The following FGF9 variants were observed in gnomAD, a reference collection of about 807,000 sequenced individuals.
The protein encoded by FGF9 is fibroblast growth factor 9 (glia-activating factor).
In FGF9, 3 loss-of-function variants were observed where a neutral mutation model predicts 19.9. The ratio of observed to expected loss-of-function variants is 0.15; its 90% CI spans 0.07 to 0.39. The LOEUF (loss-of-function observed/expected upper bound fraction) is 0.39. FGF9 is among the 10% of genes least tolerant of loss of function. The pLI, the probability that FGF9 is intolerant of heterozygous loss-of-function variation, is 1.00. For missense variants in FGF9, 175 were observed against 256.8 expected, an observed-to-expected ratio of 0.68 and a Z score of 2.18; for synonymous variants, 107 against 106.9, an observed-to-expected ratio of 1.00 and a Z score of -0.01.
In FGF9 at chr13:21,672,294, C is replaced by T; in HGVS notation, c.277+105C>T. On this transcript the variant is annotated intron_variant, in intron 1 of 2. Coordinates refer to ENST00000382353, the MANE Select transcript of FGF9 (RefSeq NM_002010.3). This position sits in a 1 kb window ranked among gnomAD's most constrained non-coding sequence, Gnocchi z 4.2. ...GGGGACGTGGGAAGGGTTCTCCCCT[C>T]CTCCCCTCTTTCTCTGTATCTCTGT... 3 of 1,227,236 alleles carry T rather than the reference C, an allele frequency of 2.4e-6. 1 individual carries two copies. Among genetic ancestry groups the T allele is most frequent in the Non-Finnish European group, 3.6e-6 (3 of 836,356 alleles). 76.0% of individuals were successfully genotyped at this position (1,227,236 alleles called of 1,614,324 possible). A position where few individuals can be genotyped will look rare whatever the true frequency, so the allele number is the denominator to read the frequency against.
rs1434868235 is a variant in FGF9 at position 21,701,348 on chromosome 13, G to A, written c.540G>A (p.Arg180=). Residue 180 remains arginine, a synonymous_variant, in exon 3 of 3, where the codon CGG becomes CGA. Coordinates refer to ENST00000382353, the MANE Select transcript of FGF9 (RefSeq NM_002010.3). ...GTPREGTRTK[R]HQKFTHFLPR... ...CGAGAGAAGGGACTAGGACTAAACG[G>A]CACCAGAAATTCACACATTTTTTAC... 3 of 1,613,806 alleles carry A rather than the reference G, an allele frequency of 1.9e-6. No homozygotes were observed.
chr13:21,698,296 T>G (rs188672239), intron 2 of FGF9, among the ~76,000 whole-genome samples: 3 of 152,214 alleles, frequency 2.0e-5, no homozygotes, highest in Non-Finnish European at 4.4e-5. Context: ...CTGTCCCATG[T>G]ATTTTAACTG....
intron 2 of FGF9, among the ~76,000 whole-genome samples, chr13:21,683,092 T>C (rs1336528185): frequency 6.6e-6 from 1 of 152,198 alleles, no homozygotes; most frequent in Non-Finnish European, 1.5e-5. Flanking sequence ...AAGGATCACC[T>C]TGCACACCCC....
chr13:21,676,087 C>T (rs1158973535), intron 1 of FGF9, among the ~76,000 whole-genome samples: 1 of 152,184 alleles, frequency 6.6e-6, no homozygotes, highest in Non-Finnish European at 1.5e-5. Context: ...TTTTAAAGCA[C>T]TCCAGCCTTG....
At chr13:21,677,844 A>G (rs1292556275) in intron 1 of FGF9, among the ~76,000 whole-genome samples, 1 of 152,156 alleles carries the variant, frequency 6.6e-6, no homozygotes, top group Non-Finnish European at 1.5e-5. Flanking sequence ...TGGGGTCTGT[A>G]GGTAGTTCCT....
intron 2 of FGF9, among the ~76,000 whole-genome samples, chr13:21,696,812 T>C (rs1193094074): frequency 6.6e-6 from 1 of 152,248 alleles, no homozygotes; most frequent in African/African-American, 2.4e-5. Context: ...AAAGAGATTA[T>C]TTCTGTAGAT....
chr13:21,701,807 A>T lies in FGF9; in HGVS notation c.*372A>T, dbSNP rs546782. 0.16 allele frequency: 44,164 copies of T among 275,282 alleles called. 5,109 individuals are homozygous for T. Among genetic ancestry groups the T allele is most frequent in the African/African-American group, 0.38 (17,249 of 45,268 alleles). 17.1% of individuals were successfully genotyped at this position (275,282 alleles called of 1,614,324 possible). A position where few individuals can be genotyped will look rare whatever the true frequency, so the allele number is the denominator to read the frequency against. ...ACTGCGGCCTGATGCATGCTGGAAA[A>T]AGACACGCTTTTCATTTCTGATCAG... On this transcript the variant is annotated 3_prime_UTR_variant, in exon 3 of 3. Transcript: ENST00000382353.
intron 2 of FGF9, among the ~76,000 whole-genome samples, chr13:21,685,029 G>A (rs1872127233): frequency 6.6e-6 from 1 of 152,166 alleles, no homozygotes. Flanking sequence ...TGCCTCGTGT[G>A]GCAGTGAGAA....
In FGF9 at chr13:21,671,839, T is replaced by C. The variant is rs900849065; in HGVS notation, c.-74T>C. On this transcript the variant is annotated 5_prime_UTR_variant, in exon 1 of 3. Coordinates refer to ENST00000382353, the MANE Select transcript of FGF9 (RefSeq NM_002010.3). Reference sequence around the variant, plus strand: ...TGCAGTAAGGGAGGGGAGTTGGATATACCTCGCCTAATATCTCCTGGGTTG... The same window carrying C: ...TGCAGTAAGGGAGGGGAGTTGGATACACCTCGCCTAATATCTCCTGGGTTG... 7.5e-5 allele frequency: 118 copies of C among 1,566,376 alleles called. No homozygotes were observed. Among genetic ancestry groups the C allele is most frequent in the Non-Finnish European group, 9.9e-5 (113 of 1,136,726 alleles).
intron 2 of FGF9, among the ~76,000 whole-genome samples, chr13:21,700,015 GGTGTGTGTGTGTGTGT>G (rs3076108): frequency 2.0e-5 from 3 of 146,710 alleles, no homozygotes; most frequent in South Asian, 4.4e-4. Context: ...TTTGGGATGT[GGTGTGTGTGTGTGTGT>G]GTGTGTGTGT....
At position 21,703,822 on chromosome 13, in the gene FGF9, T is replaced by C. The variant is rs1872597540; in HGVS notation, c.*2387T>C. ...AAGAAAATTGTGAAAAAGACAAAAA[T>C]CTTCATGCATTCCTATAAAACGCTA... On this transcript the variant is annotated 3_prime_UTR_variant, in exon 3 of 3. Coordinates refer to ENST00000382353, the MANE Select transcript of FGF9 (RefSeq NM_002010.3). 6.6e-6 allele frequency: 1 copy of C among 151,840 alleles called. No individual in the cohort carries two copies. Among genetic ancestry groups the C allele is most frequent in the African/African-American group, 2.4e-5 (1 of 41,384 alleles). The allele number at this position is 151,840 out of a possible 1,614,324, so 9.4% of individuals were successfully genotyped here.
intron 2 of FGF9, among the ~76,000 whole-genome samples, chr13:21,687,189 G>A (rs1320243126): frequency 3.9e-5 from 6 of 152,076 alleles, no homozygotes; most frequent in Non-Finnish European, 4.4e-5. Context: ...TTTTCTGCTG[G>A]GCAGACACAC....
At chr13:21,682,675 C>A (rs1205846811) in intron 2 of FGF9, among the ~76,000 whole-genome samples, 1 of 136,938 alleles carries the variant, frequency 7.3e-6, no homozygotes, top group Non-Finnish European at 1.6e-5. Flanking sequence ...AGAAAATGAT[C>A]TTTTTTGTCA....
chr13:21,678,190 G>C (rs1313802111), intron 1 of FGF9, among the ~76,000 whole-genome samples: 3 of 152,094 alleles, frequency 2.0e-5, no homozygotes, highest in African/African-American at 7.2e-5. Flanking sequence ...AATTACAGCT[G>C]TCTTGTCAAT....
intron 2 of FGF9, among the ~76,000 whole-genome samples, chr13:21,682,897 A>G (rs181403988): frequency 4.0e-4 from 61 of 152,266 alleles, no homozygotes; most frequent in African/African-American, 1.3e-3. Context: ...ATCTCAACAT[A>G]TGCATTTCAA....
At position 21,671,784 on chromosome 13, in the gene FGF9, G is replaced by T. The variant is rs1214932906; in HGVS notation, c.-129G>T. 2.3e-5 allele frequency: 24 copies of T among 1,060,674 alleles called. No homozygotes were observed. Among genetic ancestry groups the T allele is most frequent in the Non-Finnish European group, 3.1e-5 (22 of 708,016 alleles). 65.7% of individuals were successfully genotyped at this position (1,060,674 alleles called of 1,614,324 possible). ...TATGCATTTAATGGATTGAAGAAAA[G>T]AACCTTTTTTTTCTCTCTCTCTCTG... On this transcript the variant is annotated 5_prime_UTR_variant, in exon 1 of 3. Coordinates refer to ENST00000382353, the MANE Select transcript of FGF9 (RefSeq NM_002010.3).
rs569714513 is a variant in FGF9, at chr13:21,699,300, C to A, written c.382-1890C>A. ...CATTCTGTCCCCATGAACACAGCAC[C>A]AGAGGTCTAAAGTTTTCCCATCCTT... is the stretch of plus-strand genomic sequence containing the variant. On this transcript the variant is annotated intron_variant, in intron 2 of 2. Coordinates refer to ENST00000382353, the MANE Select transcript of FGF9 (RefSeq NM_002010.3). Among the ~76,000 whole-genome samples the A allele has an allele frequency of 7.2e-5, 11 of 152,334 alleles. No individual in the cohort carries two copies. The South Asian group carries it at 2.3e-3, about 32-fold the overall frequency.
At position 21,687,951 on chromosome 13, in the gene FGF9, G is replaced by A. The variant is rs1056423820; in HGVS notation, c.381+6806G>A. Among the ~76,000 whole-genome samples, 6 of 152,280 alleles carry A rather than the reference G, an allele frequency of 3.9e-5. No homozygotes were observed. In the East Asian group the frequency reaches 7.7e-4, roughly 20 times the overall value. On this transcript the variant is annotated intron_variant, in intron 2 of 2. Transcript: ENST00000382353. ...AAGACATTCTTGGAGGGAACTTGTG[G>A]CCCCGCAGATTATGCCCTTTGCCTT...
rs961953061 is a variant in FGF9, at chr13:21,674,877, C to T, written c.277+2688C>T. 6.6e-5 allele frequency among the ~76,000 whole-genome samples: 10 copies of T among 151,852 alleles called. No homozygotes were observed. The East Asian group carries it at 1.8e-3, about 27-fold the overall frequency. ...TTCTAGGGTGAGCGGATGAGGACAGCGGCGGGCTACAGTGGCTCAATAGAA... is the reference window on the plus strand; with the variant it reads ...TTCTAGGGTGAGCGGATGAGGACAGTGGCGGGCTACAGTGGCTCAATAGAA... On this transcript the variant is annotated intron_variant, in intron 1 of 2. Coordinates refer to ENST00000382353, the MANE Select transcript of FGF9 (RefSeq NM_002010.3).
Sources: allele counts gnomAD v4.1 joint callset (sites outside exome capture counted in the v4.1 genomes callset), GRCh38; gene constraint gnomAD v4.1.1; non-coding constraint Gnocchi (gnomAD v3.1); transcripts MANE v1.5; gene names NCBI Gene and HGNC (gene_info 2026-07-23, HGNC 2026-07-21).